The following TGFBR2 variants were observed in gnomAD, a reference collection of about 807,000 sequenced individuals.
The protein encoded by TGFBR2 is transforming growth factor beta receptor 2.
TGFBR2 carries 18 observed loss-of-function variants against 49.0 expected under a neutral mutation model. That is an observed-to-expected ratio of 0.37 (90% confidence interval 0.25 to 0.54). TGFBR2 has a LOEUF of 0.54. TGFBR2 is among the 20% of genes least tolerant of loss of function. The probability of loss-of-function intolerance (pLI) is 0.85; values close to 1 mark genes in which losing one functional copy is unlikely to be tolerated. For missense variants in TGFBR2, 525 were observed against 722.6 expected (o/e 0.73, Z 3.13); for synonymous variants, 282 against 275.9 (o/e 1.02, Z -0.22).
Position 30,676,566 on chromosome 3 carries a change from T to C in TGFBR2, c.1396+2320T>C, listed in dbSNP as rs1254545370. On this transcript the variant is annotated intron_variant, in intron 5 of 6. Coordinates refer to ENST00000295754, the MANE Select transcript of TGFBR2 (RefSeq NM_003242.6). The surrounding 1 kb of genome is among the most constrained non-coding windows in gnomAD (Gnocchi z 4.3). ...TGTTTCATTATATGAGTATCCAGTA[T>C]TGTCATTATTTATTTTGTTGCTCAG... Among the ~76,000 whole-genome samples the C allele has an allele frequency of 3.9e-5, 6 of 152,216 alleles. No homozygotes were observed. The highest frequency in any genetic ancestry group is 1.2e-4 in the African/African-American group (5 of 41,462).
At chr3:30,654,578 A>G (rs890049395) in intron 3 of TGFBR2, among the ~76,000 whole-genome samples, 25 of 152,180 alleles carry the variant, frequency 1.6e-4, no homozygotes, top group Admixed American at 1.5e-3. Flanking sequence ...AATTCTAAGG[A>G]AATCAGAGTC....
rs1484165485 is a variant in TGFBR2, at chr3:30,691,994, T to C, written c.*395T>C. Reference sequence around the variant, plus strand: ...AAAAGAGACAAGGAAAAACATCAAATATTCCCAGGAAATTGGTTTTATTGG... The same window carrying C: ...AAAAGAGACAAGGAAAAACATCAAACATTCCCAGGAAATTGGTTTTATTGG... On this transcript the variant is annotated 3_prime_UTR_variant, in exon 7 of 7. Coordinates refer to ENST00000295754, the MANE Select transcript of TGFBR2 (RefSeq NM_003242.6). The C allele has an allele frequency of 4.5e-6, 1 of 220,596 alleles. No individual in the cohort carries two copies. Among genetic ancestry groups the C allele is most frequent in the Non-Finnish European group, 9.1e-6 (1 of 110,290 alleles). 13.7% of individuals were successfully genotyped at this position (220,596 alleles called of 1,614,324 possible). A position where few individuals can be genotyped will look rare whatever the true frequency, so the allele number is the denominator to read the frequency against.
At position 30,630,739 on chromosome 3, in the gene TGFBR2, A is replaced by G. The variant is rs533583275; in HGVS notation, c.95-14008A>G. ...AGTCATGAGTGGATTAGTCCCACAT[A>G]AAAGGGCTGGAGGTAACCAGCCTGG... On this transcript the variant is annotated intron_variant, in intron 1 of 6. Coordinates refer to ENST00000295754, the MANE Select transcript of TGFBR2 (RefSeq NM_003242.6). Among the ~76,000 whole-genome samples the G allele has an allele frequency of 2.6e-5, 4 of 152,314 alleles. No homozygotes were observed. The South Asian group carries it at 8.3e-4, about 32-fold the overall frequency.
At chr3:30,632,465 T>C (rs1167076350) in intron 1 of TGFBR2, among the ~76,000 whole-genome samples, 1 of 152,224 alleles carries the variant, frequency 6.6e-6, no homozygotes. Context: ...TAACGATGAT[T>C]GATTCCATTG....
chr3:30,622,696 A>G (rs555775665), intron 1 of TGFBR2, among the ~76,000 whole-genome samples: 1 of 151,976 alleles, frequency 6.6e-6, no homozygotes, highest in African/African-American at 2.4e-5. Flanking sequence ...CCTGACCAAC[A>G]TGGTGAAACC....
intron 1 of TGFBR2, among the ~76,000 whole-genome samples, chr3:30,643,569 A>C (rs961484881): frequency 2.0e-5 from 3 of 152,208 alleles, no homozygotes; most frequent in Non-Finnish European, 2.9e-5. Context: ...ATTCCTCTCT[A>C]ATCTGAGTGA....
chr3:30,615,977 G>T lies in TGFBR2; in HGVS notation c.94+9000G>T, dbSNP rs532728819. On this transcript the variant is annotated intron_variant, in intron 1 of 6. Coordinates refer to ENST00000295754, the MANE Select transcript of TGFBR2 (RefSeq NM_003242.6). ...GTCTGGTCTTGAACACTGGGGCTCA[G>T]AGGAACCTGTCCACCTCTGCCTCCC... Among the ~76,000 whole-genome samples, 5 of 152,010 alleles carry T rather than the reference G, an allele frequency of 3.3e-5. No homozygotes were observed. In the East Asian group the frequency reaches 9.7e-4, roughly 29 times the overall value.
At chr3:30,633,171 G>C (rs1196647243) in intron 1 of TGFBR2, among the ~76,000 whole-genome samples, 3 of 152,092 alleles carry the variant, frequency 2.0e-5, no homozygotes, top group South Asian at 4.1e-4. Context: ...TTCTCTCATT[G>C]ATATGATATG....
intron 5 of TGFBR2, 122 bp from the exon 6 acceptor site, chr3:30,688,262 A>T: frequency 1.6e-6 from 2 of 1,281,012 alleles, no homozygotes; most frequent in Non-Finnish European, 2.3e-6. Flanking sequence ...CTCTTAGAGT[A>T]ATTACGTATG....
chr3:30,643,741 A>G (rs1388010925), intron 1 of TGFBR2, among the ~76,000 whole-genome samples: 1 of 152,216 alleles, frequency 6.6e-6, no homozygotes, highest in African/African-American at 2.4e-5. Context: ...GAGGTGGAGA[A>G]AGTTTCATGG....
chr3:30,672,407 G>T lies in TGFBR2; in HGVS notation c.1224G>T (p.Leu408=). Residue 408 remains leucine, a synonymous_variant, in exon 4 of 7, where the codon CTG becomes CTT. Coordinates refer to ENST00000295754, the MANE Select transcript of TGFBR2 (RefSeq NM_003242.6). This position sits in a 1 kb window ranked among gnomAD's most constrained non-coding sequence, Gnocchi z 4.5. ...FGLSLRLDPT[L]SVDDLANSGQ... Reference sequence around the variant, plus strand: ...TTTCCCTGCGTCTGGACCCTACTCTGTCTGTGGATGACCTGGCTAACAGTG... The same window carrying T: ...TTTCCCTGCGTCTGGACCCTACTCTTTCTGTGGATGACCTGGCTAACAGTG... 6.2e-7 allele frequency: 1 copy of T among 1,614,224 alleles called. No homozygotes were observed.
At position 30,664,546 on chromosome 3, in the gene TGFBR2, T is replaced by TA. The variant is rs200015767; in HGVS notation, c.455-7083dup. On this transcript the variant is annotated intron_variant, in intron 3 of 6. Transcript: ENST00000295754. ...TCCAAAGATAAATGTTAGTATGCCA[T>TA]AAAAAAAAATACAAACTGGCAGAAA... is the stretch of plus-strand genomic sequence containing the variant. Among the ~76,000 whole-genome samples, 34 of 151,338 alleles carry TA rather than the reference T, an allele frequency of 2.2e-4. No individual in the cohort carries two copies. The East Asian group carries it at 4.7e-3, about 21-fold the overall frequency.
chr3:30,645,732 C>T (rs188615909), intron 2 of TGFBR2, among the ~76,000 whole-genome samples: 4 of 152,150 alleles, frequency 2.6e-5, no homozygotes, highest in Non-Finnish European at 5.9e-5. Context: ...GTGATCCACT[C>T]GCCTCTGCCT....
At chr3:30,615,305 G>C (rs12631851) in intron 1 of TGFBR2, among the ~76,000 whole-genome samples, 58,828 of 151,982 alleles carry the variant, frequency 0.39, 12,572 homozygotes, top group East Asian at 0.75. Context: ...CTGGCTCTAG[G>C]AGAGGCCCTG....
intron 5 of TGFBR2, among the ~76,000 whole-genome samples, chr3:30,681,716 C>T (rs1297654661): frequency 6.6e-6 from 1 of 152,084 alleles, no homozygotes; most frequent in Non-Finnish European, 1.5e-5. Flanking sequence ...AGGTGTTCAG[C>T]CCCGTCTGTC....
At chr3:30,613,349 C>T (rs1698064922) in intron 1 of TGFBR2, among the ~76,000 whole-genome samples, 1 of 151,952 alleles carries the variant, frequency 6.6e-6, no homozygotes, top group African/African-American at 2.4e-5. Flanking sequence ...CATTTTTAGA[C>T]CATGATTTGG....
At position 30,624,609 on chromosome 3, in the gene TGFBR2, C is replaced by T. The variant is rs542662079; in HGVS notation, c.94+17632C>T. On this transcript the variant is annotated intron_variant, in intron 1 of 6. Coordinates refer to ENST00000295754, the MANE Select transcript of TGFBR2 (RefSeq NM_003242.6). ...CCAGCCTGGCGACAGAGCAAGACTC[C>T]GTCTCAAAGGAAAAAAAAAAAAGAA... Among the ~76,000 whole-genome samples, 9 of 147,892 alleles carry T rather than the reference C, an allele frequency of 6.1e-5. No homozygotes were observed. The East Asian group carries it at 1.2e-3, about 19-fold the overall frequency.
At chr3:30,641,458 C>T (rs973735296) in intron 1 of TGFBR2, among the ~76,000 whole-genome samples, 2 of 152,076 alleles carry the variant, frequency 1.3e-5, no homozygotes, top group Non-Finnish European at 2.9e-5. Context: ...TGGGGAGTCT[C>T]CTAGGGTCAA....
rs1273676501 is a variant in TGFBR2 at position 30,691,607 on chromosome 3, G to A, written c.*8G>A. 6.2e-7 allele frequency: 1 copy of A among 1,613,992 alleles called. No individual in the cohort carries two copies. The highest frequency in any genetic ancestry group is 2.2e-5 in the East Asian group (1 of 44,852). On this transcript the variant is annotated 3_prime_UTR_variant, in exon 7 of 7. Coordinates refer to ENST00000295754, the MANE Select transcript of TGFBR2 (RefSeq NM_003242.6). ...CTAAACACTACCAAATAGCTCTTCT[G>A]GGGCAGGCTGGGCCATGTCCAAAGA...
Sources: allele counts gnomAD v4.1 joint callset (sites outside exome capture counted in the v4.1 genomes callset), GRCh38; gene constraint gnomAD v4.1.1; non-coding constraint Gnocchi (gnomAD v3.1); transcripts MANE v1.5; gene names NCBI Gene and HGNC (gene_info 2026-07-23, HGNC 2026-07-21).